Variants in ASIC2 observed in about 807,000 individuals in gnomAD.
ASIC2 encodes acid sensing ion channel subunit 2.
In ASIC2, 25 loss-of-function variants were observed where a neutral mutation model predicts 57.3. The ratio of observed to expected loss-of-function variants is 0.44; its 90% confidence interval spans 0.32 to 0.61. The LOEUF is 0.61. Ranked by LOEUF, ASIC2 falls within the 20% of genes least tolerant of loss-of-function variation. The pLI is 0.06. For synonymous variants in ASIC2, 319 were observed against 307.5 expected (o/e 1.04, Z -0.39); for missense variants, 641 against 738.1 (o/e 0.87, Z 1.52).
chr17:33,754,800 CA>C (rs1275047512), intron 1 of ASIC2, among the ~76,000 whole-genome samples: 1 of 151,444 alleles, frequency 6.6e-6, no homozygotes. Context: ...ACTAAAAATA[CA>C]AAAAAAGTTA....
At chr17:34,064,080 G>A (rs1346206458) in intron 1 of ASIC2, among the ~76,000 whole-genome samples, 1 of 152,024 alleles carries the variant, frequency 6.6e-6, no homozygotes, top group Non-Finnish European at 1.5e-5. Flanking sequence ...GCAAGACTAA[G>A]CAAAAAGATC....
At chr17:33,059,259 T>C (rs948877088) in intron 3 of ASIC2, among the ~76,000 whole-genome samples, 7 of 152,164 alleles carry the variant, frequency 4.6e-5, no homozygotes, top group Admixed American at 1.3e-4. Context: ...GCTGCACCCA[T>C]TAACTCGTCA....
intron 1 of ASIC2, among the ~76,000 whole-genome samples, chr17:33,878,109 C>T (rs111525551): frequency 1.3e-5 from 2 of 152,140 alleles, no homozygotes; most frequent in East Asian, 1.9e-4. Flanking sequence ...CCCATCTGTA[C>T]GTCACCATCA....
intron 1 of ASIC2, among the ~76,000 whole-genome samples, chr17:33,897,300 A>G (rs1050307197): frequency 2.6e-5 from 4 of 152,202 alleles, no homozygotes; most frequent in African/African-American, 9.7e-5. Context: ...TGTTGCTCCT[A>G]AAGAAATAAT....
intron 1 of ASIC2, among the ~76,000 whole-genome samples, chr17:33,664,395 C>G (rs1907402431): frequency 6.6e-6 from 1 of 152,158 alleles, no homozygotes; most frequent in Non-Finnish European, 1.5e-5. Context: ...CTGAAACATT[C>G]ATTCGTGTGA....
At chr17:34,107,947 C>T (rs1031202074) in intron 1 of ASIC2, among the ~76,000 whole-genome samples, 3 of 152,174 alleles carry the variant, frequency 2.0e-5, no homozygotes, top group African/African-American at 4.8e-5. Flanking sequence ...CATCCCACCT[C>T]GCCTCACACT....
chr17:33,028,339 G>C lies in ASIC2; in HGVS notation c.1041C>G (p.Leu347=). 6 of 1,614,088 alleles carry C rather than the reference G, an allele frequency of 3.7e-6. 1 individual carries two copies. In the South Asian group the frequency reaches 6.6e-5, roughly 18 times the overall value. ...WGECRSSEMG[L]DFFPVYSITA... ...TGATGCTGTAAACAGGAAAAAAGTCGAGGCCCATCTCTGAGGATCGGCACT... is the reference window on the plus strand; with the variant it reads ...TGATGCTGTAAACAGGAAAAAAGTCCAGGCCCATCTCTGAGGATCGGCACT... Residue 347 remains leucine, a synonymous_variant, in exon 4 of 10, where the codon CTC becomes CTG. Transcript: ENST00000225823.
chr17:33,223,387 T>G (rs1355687535), intron 1 of ASIC2, among the ~76,000 whole-genome samples: 1 of 152,152 alleles, frequency 6.6e-6, no homozygotes, highest in African/African-American at 2.4e-5. Flanking sequence ...TTCACCATGT[T>G]GGCCAGGCTG....
At chr17:33,153,032 C>G (rs1034129360) in intron 1 of ASIC2, among the ~76,000 whole-genome samples, 4 of 152,198 alleles carry the variant, frequency 2.6e-5, no homozygotes, top group Non-Finnish European at 5.9e-5. Flanking sequence ...GAGGCCCCTT[C>G]CTGGCTTTCT....
intron 1 of ASIC2, among the ~76,000 whole-genome samples, chr17:34,121,030 G>A (rs1392709121): frequency 6.6e-6 from 1 of 152,002 alleles, no homozygotes; most frequent in Non-Finnish European, 1.5e-5. Context: ...GTGAACCACC[G>A]TGCCTGGCCA....
chr17:33,546,112 CAT>C (rs1007576960), intron 1 of ASIC2, among the ~76,000 whole-genome samples: 12 of 150,072 alleles, frequency 8.0e-5, no homozygotes, highest in South Asian at 2.1e-4. Flanking sequence ...TATATATGTG[CAT>C]ATATATATGT....
chr17:34,116,832 C>T (rs750752014), intron 1 of ASIC2, among the ~76,000 whole-genome samples: 4 of 151,920 alleles, frequency 2.6e-5, no homozygotes, highest in Non-Finnish European at 5.9e-5. Flanking sequence ...TCTGAGACTC[C>T]GATACCTTTT....
chr17:33,538,755 T>C (rs190882363), intron 1 of ASIC2, among the ~76,000 whole-genome samples: 53 of 152,328 alleles, frequency 3.5e-4, no homozygotes, highest in Admixed American at 3.3e-3. Flanking sequence ...AGGTTTTTTC[T>C]ACAAGGTAGA....
At chr17:33,310,234 A>G (rs1313349506) in intron 1 of ASIC2, among the ~76,000 whole-genome samples, 1 of 151,854 alleles carries the variant, frequency 6.6e-6, no homozygotes, top group African/African-American at 2.4e-5. Context: ...GCAAAGTGGT[A>G]CTTAGAATAC....
In ASIC2 at chr17:33,356,033, T is replaced by C. The variant is rs1341876945; in HGVS notation, c.556-243966A>G. ...TCCAAGATGAGGCCTGACAAATGAGTAGGAGACAACCCAGAGTAGGGGATA... is the reference window on the plus strand; with the variant it reads ...TCCAAGATGAGGCCTGACAAATGAGCAGGAGACAACCCAGAGTAGGGGATA... On this transcript the variant is annotated intron_variant, in intron 1 of 9. Transcript: ENST00000359872. Among the ~76,000 whole-genome samples the C allele has an allele frequency of 5.9e-5, 9 of 151,878 alleles. No individual in the cohort carries two copies. In the East Asian group the frequency reaches 1.7e-3, roughly 29 times the overall value.
At chr17:33,035,693 G>T (rs1352279542) in intron 3 of ASIC2, among the ~76,000 whole-genome samples, 1 of 152,184 alleles carries the variant, frequency 6.6e-6, no homozygotes, top group Non-Finnish European at 1.5e-5. Context: ...GACTTATATT[G>T]TAGCCTATCT....
chr17:33,573,483 A>G (rs1413686272), intron 1 of ASIC2, among the ~76,000 whole-genome samples: 2 of 152,172 alleles, frequency 1.3e-5, no homozygotes. Flanking sequence ...CCCAAGCTAG[A>G]TATTATGCTT....
chr17:33,422,212 C>G (rs867586091), intron 1 of ASIC2, among the ~76,000 whole-genome samples: 1 of 152,198 alleles, frequency 6.6e-6, no homozygotes, highest in South Asian at 2.1e-4. Context: ...TTATCTCCCC[C>G]ATTTCCCTGT....
chr17:33,705,381 A>C (rs1908833299), intron 1 of ASIC2, among the ~76,000 whole-genome samples: 1 of 152,316 alleles, frequency 6.6e-6, no homozygotes, highest in South Asian at 2.1e-4. Flanking sequence ...CCCCAAAGAT[A>C]TATCCACATC....
Sources: allele counts gnomAD v4.1 joint callset (sites outside exome capture counted in the v4.1 genomes callset), GRCh38; gene constraint gnomAD v4.1.1; transcripts MANE v1.5; gene names NCBI Gene and HGNC (gene_info 2026-07-23, HGNC 2026-07-21).